The following PCDH15 variants were observed in gnomAD, a reference collection of about 807,000 sequenced individuals.
PCDH15 encodes the protein protocadherin related 15.
PCDH15 carries 129 observed loss-of-function variants against 178.5 expected under a neutral mutation model. That is an observed-to-expected ratio of 0.72 (90% CI 0.63 to 0.84). The LOEUF is 0.84. Among genes scored for constraint, PCDH15 ranks in the 40% least tolerant of loss-of-function variants. The probability of loss-of-function intolerance (pLI) is 0.00; values close to 1 mark genes in which losing one functional copy is unlikely to be tolerated. For missense variants in PCDH15, 2,230 were observed against 2,099.9 expected, an observed-to-expected ratio of 1.06 and a Z score of -1.21; for synonymous variants, 800 against 732.0, an observed-to-expected ratio of 1.09 and a Z score of -1.50.
chr10:54,683,411 G>T (rs2094935603), intron 1 of PCDH15, among the ~76,000 whole-genome samples: 1 of 151,948 alleles, frequency 6.6e-6, no homozygotes, highest in Non-Finnish European at 1.5e-5. Flanking sequence ...TGACTATTCT[G>T]GGTATGGTAT....
At chr10:55,559,757 A>T (rs1353635168) in intron 2 of PCDH15, among the ~76,000 whole-genome samples, 1 of 151,922 alleles carries the variant, frequency 6.6e-6, no homozygotes, top group African/African-American at 2.4e-5. Flanking sequence ...AGTCTTACAC[A>T]TGTAGATGTG....
intron 18 of PCDH15, among the ~76,000 whole-genome samples, chr10:54,055,215 C>A (rs188772858): frequency 1.3e-5 from 2 of 152,180 alleles, no homozygotes; most frequent in African/African-American, 4.8e-5. Context: ...AATATCTTAG[C>A]TAAGATTTAG....
intron 2 of PCDH15, among the ~76,000 whole-genome samples, chr10:55,391,483 T>G (rs938895488): frequency 1.7e-4 from 26 of 151,608 alleles, no homozygotes; most frequent in African/African-American, 5.6e-4. Flanking sequence ...AGTAGCAATT[T>G]GCTTCTTTTT....
chr10:55,561,027 C>T (rs1032640596), intron 2 of PCDH15, among the ~76,000 whole-genome samples: 2 of 151,654 alleles, frequency 1.3e-5, no homozygotes, highest in African/African-American at 4.8e-5. Context: ...ATTTAAGATA[C>T]TCTGGGAAGG....
intron 17 of PCDH15, among the ~76,000 whole-genome samples, chr10:54,072,579 C>T (rs994466896): frequency 2.6e-5 from 4 of 152,170 alleles, no homozygotes; most frequent in African/African-American, 9.6e-5. Flanking sequence ...AGAGGTCCTC[C>T]TCCTCATCCC....
At chr10:54,109,274 C>T (rs897649376) in intron 15 of PCDH15, among the ~76,000 whole-genome samples, 1 of 152,138 alleles carries the variant, frequency 6.6e-6, no homozygotes, top group African/African-American at 2.4e-5. Flanking sequence ...TATGGCAGAG[C>T]TATCTGCACT....
At chr10:55,531,712 ATGT>A (rs1841458532) in intron 2 of PCDH15, among the ~76,000 whole-genome samples, 1 of 152,050 alleles carries the variant, frequency 6.6e-6, no homozygotes. Context: ...TGAATAACAG[ATGT>A]TGTAGCCAAA....
At position 54,659,475 on chromosome 10, in the gene PCDH15, G is replaced by A. The variant is rs147288739; in HGVS notation, c.91+4697C>T. ...ATAACATTAGAAATATATATCAGCCGGGTGCAGTGGCTCATGCTGGTAATC... is the reference window on the plus strand; with the variant it reads ...ATAACATTAGAAATATATATCAGCCAGGTGCAGTGGCTCATGCTGGTAATC... On this transcript the variant is annotated intron_variant, in intron 2 of 37. Transcript: ENST00000644397. Among the ~76,000 whole-genome samples the A allele has an allele frequency of 7.1e-3, 1,075 of 152,114 alleles. 3 individuals carry two copies. The highest frequency in any genetic ancestry group is 0.011 in the Non-Finnish European group (736 of 67,986).
chr10:54,368,037 T>C (rs1947068878), intron 5 of PCDH15, among the ~76,000 whole-genome samples: 1 of 151,904 alleles, frequency 6.6e-6, no homozygotes, highest in Non-Finnish European at 1.5e-5. Flanking sequence ...AGAAACTCAT[T>C]AAACAAAAGT....
intron 6 of PCDH15, among the ~76,000 whole-genome samples, chr10:54,331,285 C>G (rs1353207167): frequency 2.0e-5 from 3 of 151,710 alleles, no homozygotes; most frequent in South Asian, 2.1e-4. Flanking sequence ...GTCTCTCTAT[C>G]TCTCTTTCTC....
At chr10:54,742,634 A>G (rs901464103) in intron 1 of PCDH15, among the ~76,000 whole-genome samples, 1 of 151,996 alleles carries the variant, frequency 6.6e-6, no homozygotes, top group Non-Finnish European at 1.5e-5. Flanking sequence ...GAGTAAGGCT[A>G]TAAGGATTGT....
Position 55,582,904 on chromosome 10 carries a change from C to A in PCDH15, c.-156+44721G>T, listed in dbSNP as rs146897757. ...ATGTTAGATTTTGATAGTTTAAATA[C>A]GTAATTGCCATTAATATATTCACAA... On this transcript the variant is annotated intron_variant, in intron 2 of 5. Transcript: ENST00000613346. 6.5e-4 allele frequency among the ~76,000 whole-genome samples: 98 copies of A among 151,776 alleles called. 1 individual carries two copies. Among genetic ancestry groups the A allele is most frequent in the African/African-American group, 2.2e-3 (91 of 41,440 alleles).
chr10:53,938,841 A>T lies in PCDH15; in HGVS notation c.3347T>A (p.Leu1116His), dbSNP rs766837891. 1 of 1,613,542 alleles carries T rather than the reference A, an allele frequency of 6.2e-7. No individual in the cohort carries two copies. The highest frequency in any genetic ancestry group is 1.1e-5 in the South Asian group (1 of 91,082). ...RVQADSLEVV[L>H]ANLRVPSKSN... The stretch of plus-strand genomic sequence containing the variant: ...TTTTGAAGGAACTCGGAGATTGGCA[A>T]GGACCACTTCCAGGGAATCAGCTTG... Residue 1116 changes from leucine (L) to histidine (H), a missense_variant, in exon 25 of 38, where the codon CTT becomes CAT. Coordinates refer to ENST00000644397, the MANE Select transcript of PCDH15 (RefSeq NM_001384140.1).
chr10:54,192,452 C>T (rs1201409732), intron 11 of PCDH15, among the ~76,000 whole-genome samples: 1 of 151,920 alleles, frequency 6.6e-6, no homozygotes, highest in Non-Finnish European at 1.5e-5. Flanking sequence ...ATAGGAAGAT[C>T]TGGAAGATTT....
chr10:54,102,897 G>C (rs1337744836), intron 15 of PCDH15, among the ~76,000 whole-genome samples: 2 of 152,124 alleles, frequency 1.3e-5, no homozygotes, highest in Non-Finnish European at 2.9e-5. Flanking sequence ...CCACAGTTTT[G>C]GGTCCCCAAG....
chr10:54,255,428 A>C (rs1401318767), intron 8 of PCDH15, among the ~76,000 whole-genome samples: 1 of 152,152 alleles, frequency 6.6e-6, no homozygotes, highest in Non-Finnish European at 1.5e-5. Context: ...ACTGTTGAAA[A>C]CCAAGATTAT....
intron 16 of PCDH15, among the ~76,000 whole-genome samples, chr10:54,087,948 G>A (rs1434681103): frequency 6.6e-6 from 1 of 152,076 alleles, no homozygotes; most frequent in East Asian, 1.9e-4. Flanking sequence ...CTCCTGCTCA[G>A]GCCATGTGAA....
chr10:54,896,723 T>C (rs1458889897), intron 3 of PCDH15, among the ~76,000 whole-genome samples: 1 of 152,118 alleles, frequency 6.6e-6, no homozygotes, highest in Non-Finnish European at 1.5e-5. Context: ...CAGAACAACA[T>C]TGGTTACAAG....
chr10:54,898,922 T>C (rs1591770546), intron 2 of PCDH15, among the ~76,000 whole-genome samples: 1 of 152,062 alleles, frequency 6.6e-6, no homozygotes, highest in East Asian at 1.9e-4. Flanking sequence ...TATGGTACAA[T>C]AAGAGACAAA....
Sources: gnomAD v4.1 joint callset for allele counts (sites outside exome capture counted in the v4.1 genomes callset) on GRCh38, gnomAD v4.1.1 for gene constraint, MANE v1.5 for transcripts, NCBI Gene and HGNC (gene_info 2026-07-23, HGNC 2026-07-21) for gene names.